Variants in DMD observed in about 807,000 individuals in gnomAD.
DMD encodes mutant dystrophin.
A neutral mutation model predicts 330.1 loss-of-function variants in DMD; 63 were observed. The ratio of observed to expected loss-of-function variants is 0.19; its 90% CI spans 0.16 to 0.24. The LOEUF (loss-of-function observed/expected upper bound fraction) is 0.24. DMD is among the 10% of genes least tolerant of loss of function. The pLI is 1.00. For synonymous variants in DMD, 1,223 were observed against 959.8 expected (o/e 1.27, Z -5.07); for missense variants, 3,344 against 2,684.1 (o/e 1.25, Z -5.43).
At chrX:31,380,354 T>G (rs760181643) in intron 60 of DMD, among the ~76,000 whole-genome samples, 4 of 109,479 alleles carry the variant, frequency 3.7e-5, no homozygotes, top group Non-Finnish European at 7.6e-5. Context: ...GTTCAAAGCC[T>G]CCTTCACATC....
rs186110571 is a variant in DMD at position 31,584,898 on chromosome X, C to G, written c.8217+42775G>C. On this transcript the variant is annotated intron_variant, in intron 55 of 78. Coordinates refer to ENST00000357033, the MANE Select transcript of DMD (RefSeq NM_004006.3). ...TTGACAGAACAAGGCTCAGAGGAGA[C>G]GGAATTTAGAACAGGGTGTTAGCCT... 4.5e-5 allele frequency among the ~76,000 whole-genome samples: 5 copies of G among 111,157 alleles called. No homozygotes were observed. The South Asian group carries it at 1.9e-3, about 42-fold the overall frequency.
intron 41 of DMD, among the ~76,000 whole-genome samples, chrX:32,322,339 A>T (rs1446796634): frequency 1.8e-5 from 2 of 111,397 alleles, no homozygotes; most frequent in African/African-American, 6.5e-5. Context: ...TGAGAAGATT[A>T]CTTGATTCCA....
rs756432911 is a variant in DMD, at chrX:31,242,697, GAT to G, written c.9286+18256_9286+18257del. 4.6e-4 allele frequency among the ~76,000 whole-genome samples: 31 copies of G among 67,109 alleles called. 1 individual carries two copies. The highest frequency in any genetic ancestry group is 2.3e-3 in the East Asian group (5 of 2,138). The allele number at this position is 67,109 out of a possible 115,157, so 58.3% of individuals were successfully genotyped here. A position where few individuals can be genotyped will look rare whatever the true frequency, so the allele number is the denominator to read the frequency against. On this transcript the variant is annotated intron_variant, in intron 63 of 78. Transcript: ENST00000357033. ...GTAGAAAGATAGCAGGCAACAATAA[GAT>G]ATGTGTGTGTGTGTGTGTGTGTGTG... is the stretch of plus-strand genomic sequence containing the variant.
At chrX:32,378,490 T>G (rs1458018621) in intron 34 of DMD, among the ~76,000 whole-genome samples, 3 of 110,346 alleles carry the variant, frequency 2.7e-5, no homozygotes, top group Non-Finnish European at 5.7e-5. Flanking sequence ...AATTATGCTT[T>G]GTTTGGATAA....
chrX:32,325,801 ATTTT>A (rs56390411), intron 41 of DMD, among the ~76,000 whole-genome samples: 3 of 81,685 alleles, frequency 3.7e-5, no homozygotes, highest in Non-Finnish European at 2.4e-5. Flanking sequence ...TAAGTACTCA[ATTTT>A]TTTTTTTTTT....
chrX:32,237,771 A>G (rs1195250226), intron 43 of DMD, among the ~76,000 whole-genome samples: 2 of 112,004 alleles, frequency 1.8e-5, no homozygotes, highest in Non-Finnish European at 3.8e-5. Flanking sequence ...TTGTTACGGT[A>G]GAATGATAGA....
At chrX:33,228,153 T>G (rs1018271804) in intron 1 of DMD, among the ~76,000 whole-genome samples, 2 of 111,284 alleles carry the variant, frequency 1.8e-5, no homozygotes, top group Non-Finnish European at 3.8e-5. Context: ...AGCATTTATA[T>G]TTCCTTAAAC....
intron 44 of DMD, among the ~76,000 whole-genome samples, chrX:32,048,336 AG>A (rs1325479632): frequency 1.9e-5 from 2 of 105,191 alleles, no homozygotes; most frequent in Non-Finnish European, 3.9e-5. Flanking sequence ...TCCGTTCCCA[AG>A]CATGCTTTTA....
At chrX:32,286,649 G>A (rs2097443014) in intron 43 of DMD, among the ~76,000 whole-genome samples, 1 of 111,953 alleles carries the variant, frequency 8.9e-6, no homozygotes, top group Admixed American at 9.5e-5. Context: ...TGAGAACAAA[G>A]TGGAGATAAT....
intron 2 of DMD, among the ~76,000 whole-genome samples, chrX:32,894,215 A>C (rs1331447711): frequency 1.8e-5 from 2 of 112,229 alleles, no homozygotes; most frequent in Non-Finnish European, 3.8e-5. Flanking sequence ...GCGTTTGTTC[A>C]CATCATGATG....
intron 29 of DMD, among the ~76,000 whole-genome samples, chrX:32,432,676 A>G (rs1042705767): frequency 8.9e-6 from 1 of 112,512 alleles, no homozygotes; most frequent in African/African-American, 3.2e-5. Flanking sequence ...GTGCTCAAAA[A>G]GTAATGGCTT....
Position 32,503,531 on chromosome X carries a change from G to C in DMD, c.2293-1689C>G, listed in dbSNP as rs917060736. ...ATCTGAAAAGACTATCTAATTTAAA[G>C]AAATAGCTACAAATGTAAAGCTTTT... On this transcript the variant is annotated intron_variant, in intron 18 of 78. Coordinates refer to ENST00000357033, the MANE Select transcript of DMD (RefSeq NM_004006.3). Among the ~76,000 whole-genome samples, 14 of 111,663 alleles carry C rather than the reference G, an allele frequency of 1.3e-4. No homozygotes were observed. In the South Asian group the frequency reaches 4.9e-3, roughly 39 times the overall value.
intron 16 of DMD, among the ~76,000 whole-genome samples, chrX:32,563,546 A>G (rs1603636487): frequency 9.0e-6 from 1 of 111,120 alleles, no homozygotes; most frequent in East Asian, 2.8e-4. Context: ...TTCATAAAGA[A>G]CCATGCAAAT....
At chrX:31,991,540 C>A (rs1413405015) in intron 44 of DMD, among the ~76,000 whole-genome samples, 1 of 109,979 alleles carries the variant, frequency 9.1e-6, no homozygotes, top group African/African-American at 3.3e-5. Context: ...ATGGAAACTG[C>A]GGTCATACGG....
intron 34 of DMD, among the ~76,000 whole-genome samples, chrX:32,375,500 T>A (rs1260617840): frequency 2.7e-5 from 3 of 112,199 alleles, no homozygotes; most frequent in African/African-American, 9.7e-5. Flanking sequence ...AGCATTTGCT[T>A]TTGTATGTTT....
chrX:32,676,443 C>T (rs145781262), intron 9 of DMD, among the ~76,000 whole-genome samples: 3 of 111,267 alleles, frequency 2.7e-5, no homozygotes, highest in African/African-American at 9.8e-5. Flanking sequence ...CCTGGCTTTC[C>T]AAGTCCTCAG....
At chrX:31,661,421 C>T (rs1179710166) in intron 53 of DMD, among the ~76,000 whole-genome samples, 1 of 110,042 alleles carries the variant, frequency 9.1e-6, no homozygotes, top group Non-Finnish European at 1.9e-5. Context: ...CTTTCTCCTA[C>T]GGTAATATTC....
intron 11 of DMD, among the ~76,000 whole-genome samples, chrX:32,630,633 A>T (rs2058671695): frequency 9.0e-6 from 1 of 111,185 alleles, no homozygotes; most frequent in Non-Finnish European, 1.9e-5. Flanking sequence ...ATTCTTCAGT[A>T]TGTCAGTTAA....
chrX:32,601,631 G>T lies in DMD; in HGVS notation c.1483-5755C>A, dbSNP rs113610017. ...TTGACCAAAACTTGTGCATGACTAT[G>T]AGGAGACAGTAAAACTGTAGTCAAA... On this transcript the variant is annotated intron_variant, in intron 12 of 78. Transcript: ENST00000357033. 8.1e-3 allele frequency among the ~76,000 whole-genome samples: 883 copies of T among 108,802 alleles called. 8 individuals are homozygous for T. Among genetic ancestry groups the T allele is most frequent in the Non-Finnish European group, 0.014 (733 of 51,907 alleles). 94.5% of individuals were successfully genotyped at this position (108,802 alleles called of 115,157 possible).
Sources: gnomAD v4.1 joint callset for allele counts (sites outside exome capture counted in the v4.1 genomes callset) on GRCh38, gnomAD v4.1.1 for gene constraint, MANE v1.5 for transcripts, NCBI Gene and HGNC (gene_info 2026-07-23, HGNC 2026-07-21) for gene names.